Variants in RPS6KC1 observed in about 807,000 individuals in gnomAD.
RPS6KC1 encodes the protein inactive ribosomal protein S6 kinase delta-1.
In RPS6KC1, 54 loss-of-function variants were observed where a neutral mutation model predicts 103.8. The ratio of observed to expected loss-of-function variants is 0.52; its 90% CI spans 0.42 to 0.65. The LOEUF (loss-of-function observed/expected upper bound fraction) is 0.65, where lower values mean the gene tolerates loss of function less well. Ranked by LOEUF, RPS6KC1 falls within the 30% of genes least tolerant of loss-of-function variation. RPS6KC1 has a pLI of 0.00. For synonymous variants in RPS6KC1, 439 were observed against 438.7 expected, an observed-to-expected ratio of 1.00 and a Z score of -0.01; for missense variants, 1,151 against 1,253.8, an observed-to-expected ratio of 0.92 and a Z score of 1.24.
chr1:213,753,289 G>A, the RPS6KC1 span, among the ~76,000 whole-genome samples: 1 of 152,214 alleles, frequency 6.6e-6, no homozygotes, highest in Non-Finnish European at 1.5e-5. Context: ...GATCTGGCAT[G>A]GACTATTAGC....
chr1:213,521,628 A>G, the RPS6KC1 span, among the ~76,000 whole-genome samples: 197 of 152,304 alleles, frequency 1.3e-3, 1 homozygote, highest in African/African-American at 4.6e-3. Context: ...TTCAAATCCT[A>G]CCACTGCTTT....
At chr1:213,798,392 G>T in the RPS6KC1 span, among the ~76,000 whole-genome samples, 2 of 152,184 alleles carry the variant, frequency 1.3e-5, no homozygotes. Context: ...CATCTGCTTG[G>T]TCTGTACTCT....
the RPS6KC1 span, among the ~76,000 whole-genome samples, chr1:213,706,394 T>C: frequency 2.0e-5 from 3 of 152,102 alleles, no homozygotes; most frequent in Admixed American, 2.0e-4. Flanking sequence ...TGCCTCACAA[T>C]TGCTGCAACA....
chr1:213,473,611 C>G, the RPS6KC1 span, among the ~76,000 whole-genome samples: 1 of 152,118 alleles, frequency 6.6e-6, no homozygotes, highest in African/African-American at 2.4e-5. Flanking sequence ...AAACTAAACC[C>G]AAGTGATTTA....
intron 8 of RPS6KC1, chr1:213,205,165 TTTGA>T: frequency 7.9e-6 from 6 of 759,702 alleles, no homozygotes; most frequent in Non-Finnish European, 9.6e-6. Flanking sequence ...TACCTGTCTG[TTTGA>T]GTATCACCAA....
chr1:213,248,584 G>A (rs1232094314), intron 12 of RPS6KC1, among the ~76,000 whole-genome samples: 1 of 152,078 alleles, frequency 6.6e-6, no homozygotes, highest in East Asian at 1.9e-4. Context: ...AAGCAAAAAA[G>A]GCCTCAAGTT....
the RPS6KC1 span, among the ~76,000 whole-genome samples, chr1:213,767,665 ATAATAACAAATAAACAAAG>A: frequency 7.2e-5 from 11 of 152,218 alleles, no homozygotes; most frequent in African/African-American, 2.4e-4. Context: ...GAGAAGACAT[ATAATAACAAATAAACAAAG>A]TAATGACATA....
At chr1:213,539,751 G>A in the RPS6KC1 span, among the ~76,000 whole-genome samples, 12 of 151,984 alleles carry the variant, frequency 7.9e-5, no homozygotes, top group African/African-American at 1.5e-4. Context: ...TAAGAGATCC[G>A]AGTTTCAGTT....
chr1:213,800,594 G>A, the RPS6KC1 span, among the ~76,000 whole-genome samples: 1 of 152,122 alleles, frequency 6.6e-6, no homozygotes, highest in African/African-American at 2.4e-5. Context: ...TGTCCCATAC[G>A]TAGGACACCT....
the RPS6KC1 span, among the ~76,000 whole-genome samples, chr1:213,500,686 C>T: frequency 6.6e-6 from 1 of 152,128 alleles, no homozygotes; most frequent in Non-Finnish European, 1.5e-5. Context: ...TTTCCAGCTC[C>T]ATCATACTCT....
the RPS6KC1 span, among the ~76,000 whole-genome samples, chr1:213,419,991 G>A: frequency 6.6e-6 from 1 of 152,224 alleles, no homozygotes; most frequent in Non-Finnish European, 1.5e-5. Context: ...CATGAGCTTA[G>A]TTGATGCGGA....
At chr1:213,740,728 TAC>T in the RPS6KC1 span, among the ~76,000 whole-genome samples, 198 of 141,442 alleles carry the variant, frequency 1.4e-3, no homozygotes, top group East Asian at 1.9e-3. Context: ...TACACATATA[TAC>T]ATCTCAGATA....
chr1:213,605,241 A>G, the RPS6KC1 span, among the ~76,000 whole-genome samples: 3 of 152,308 alleles, frequency 2.0e-5, no homozygotes, highest in East Asian at 3.9e-4. Flanking sequence ...AGCCATTTGA[A>G]AAACAACTCT....
the RPS6KC1 span, among the ~76,000 whole-genome samples, chr1:213,601,529 C>T: frequency 1.5e-4 from 22 of 151,124 alleles, 1 homozygote; most frequent in Admixed American, 1.5e-3. Context: ...TGCTCCGACA[C>T]TTGGCCTGGA....
At chr1:213,727,151 A>T in the RPS6KC1 span, among the ~76,000 whole-genome samples, 109 of 152,338 alleles carry the variant, frequency 7.2e-4, 1 homozygote, top group Non-Finnish European at 2.9e-4. Context: ...TGAGAATATG[A>T]ATGAGTGGAT....
chr1:213,389,485 C>T, the RPS6KC1 span, among the ~76,000 whole-genome samples: 2 of 152,192 alleles, frequency 1.3e-5, no homozygotes, highest in African/African-American at 4.8e-5. Flanking sequence ...CATGCCACCT[C>T]CCTGCTCACA....
the RPS6KC1 span, among the ~76,000 whole-genome samples, chr1:213,641,855 A>C: frequency 4.6e-5 from 7 of 150,670 alleles, no homozygotes; most frequent in Non-Finnish European, 1.5e-5. Context: ...TAAATAAAGC[A>C]ATGAAATTTG....
At chr1:213,155,183 G>A (rs1221958653) in intron 6 of RPS6KC1, among the ~76,000 whole-genome samples, 2 of 152,104 alleles carry the variant, frequency 1.3e-5, no homozygotes, top group Non-Finnish European at 2.9e-5. Context: ...GGAATGGCGT[G>A]TCTTTTGGAG....
the RPS6KC1 span, among the ~76,000 whole-genome samples, chr1:213,724,964 G>A: frequency 3.3e-5 from 5 of 152,158 alleles, no homozygotes; most frequent in South Asian, 8.3e-4. Flanking sequence ...ATGGACCAGA[G>A]TCTTAGCCAC....
Sources: gnomAD v4.1 joint callset for allele counts (sites outside exome capture counted in the v4.1 genomes callset) on GRCh38, gnomAD v4.1.1 for gene constraint, MANE v1.5 for transcripts, NCBI Gene and HGNC (gene_info 2026-07-23, HGNC 2026-07-21) for gene names.